The following HDAC4 variants were observed in gnomAD, a reference collection of about 807,000 sequenced individuals.
The protein encoded by HDAC4 is histone deacetylase A.
HDAC4 carries 16 observed loss-of-function variants against 135.1 expected under a neutral mutation model. That is an observed-to-expected ratio of 0.12 (90% CI 0.08 to 0.18). HDAC4 has a LOEUF of 0.18. HDAC4 is among the 10% of genes least tolerant of loss of function. The probability of loss-of-function intolerance (pLI) is 1.00; values close to 1 mark genes in which losing one functional copy is unlikely to be tolerated. For synonymous variants in HDAC4, 685 were observed against 653.4 expected (o/e 1.05, Z -0.74); for missense variants, 1,143 against 1,511.8 (o/e 0.76, Z 4.05).
intron 2 of HDAC4, among the ~76,000 whole-genome samples, chr2:239,290,968 A>G (rs1336668718): frequency 2.0e-5 from 3 of 152,242 alleles, no homozygotes; most frequent in Non-Finnish European, 4.4e-5. Context: ...TTATCCAATC[A>G]TGACTAATGG....
intron 2 of HDAC4, among the ~76,000 whole-genome samples, chr2:239,281,986 C>T (rs905658823): frequency 4.0e-5 from 6 of 149,654 alleles, no homozygotes; most frequent in Non-Finnish European, 5.9e-5. Context: ...CCACTCTACA[C>T]GCAGTGTACA....
Position 239,101,131 on chromosome 2 carries a change from C to T in HDAC4, c.2233+1645G>A, listed in dbSNP as rs553434611. Among the ~76,000 whole-genome samples the T allele has an allele frequency of 1.6e-4, 24 of 152,280 alleles. No individual in the cohort carries two copies. The South Asian group carries it at 3.5e-3, about 22-fold the overall frequency. ...CTCGTGAACCTGCTCAGCCACACCC[C>T]GGCCCACCTGCTTCCTACTGCTGTT... On this transcript the variant is annotated intron_variant, in intron 16 of 26. Transcript: ENST00000543185.
chr2:239,110,348 C>T (rs968436918), intron 14 of HDAC4, among the ~76,000 whole-genome samples: 1 of 152,212 alleles, frequency 6.6e-6, no homozygotes, highest in African/African-American at 2.4e-5. Flanking sequence ...GGACTCCCTG[C>T]AAGTCTCCTG....
At chr2:239,342,127 T>G (rs552155027) in intron 2 of HDAC4, among the ~76,000 whole-genome samples, 2 of 152,192 alleles carry the variant, frequency 1.3e-5, no homozygotes, top group African/African-American at 4.8e-5. Flanking sequence ...CTAAGGTATT[T>G]TATGATAGCA....
At chr2:239,380,045 G>A (rs1695304218) in intron 1 of HDAC4, among the ~76,000 whole-genome samples, 1 of 152,234 alleles carries the variant, frequency 6.6e-6, no homozygotes, top group Non-Finnish European at 1.5e-5. Context: ...TGGGCTGGGA[G>A]GGCGTGCACG....
intron 16 of HDAC4, among the ~76,000 whole-genome samples, chr2:239,102,202 A>G (rs1288555774): frequency 6.6e-6 from 1 of 151,996 alleles, no homozygotes; most frequent in East Asian, 1.9e-4. Flanking sequence ...GAACACTGGA[A>G]GCCCCATGGA....
At chr2:239,213,964 G>C (rs1157223996) in intron 3 of HDAC4, among the ~76,000 whole-genome samples, 1 of 152,256 alleles carries the variant, frequency 6.6e-6, no homozygotes, top group Non-Finnish European at 1.5e-5. Flanking sequence ...AATCTGCCTA[G>C]GTCACATGGT....
chr2:239,371,129 C>G (rs1399474928), intron 1 of HDAC4, among the ~76,000 whole-genome samples: 1 of 152,234 alleles, frequency 6.6e-6, no homozygotes. Flanking sequence ...CAGGCAGGAA[C>G]CCTGCGCCTC....
intron 2 of HDAC4, among the ~76,000 whole-genome samples, chr2:239,332,838 A>T (rs1052892546): frequency 1.3e-5 from 2 of 152,070 alleles, no homozygotes; most frequent in East Asian, 3.8e-4. Flanking sequence ...CCAATGAAGG[A>T]AAAATGAGAG....
In HDAC4 at chr2:239,189,845, G is replaced by T; in HGVS notation, c.327C>A (p.His109Gln). The T allele has an allele frequency of 6.2e-7, 1 of 1,607,346 alleles. No homozygotes were observed. The highest frequency in any genetic ancestry group is 1.3e-5 in the African/African-American group (1 of 74,984). The stretch of plus-strand genomic sequence containing the variant: ...CACCGCGCCTCACCTTGATGTGCTC[G>T]TGGAGCTGCGCCTCGTGCTGCCGGG... Reference protein sequence around the residue: ...QLSRQHEAQLHEHIKQQQEML... With the variant: ...QLSRQHEAQLQEHIKQQQEML... The change falls in exon 4 of 27, where the codon CAC (histidine) becomes CAA (glutamine). Residue 109 changes from histidine (H) to glutamine (Q), a missense_variant. Transcript: ENST00000543185.
At chr2:239,353,441 C>G (rs552816256) in intron 1 of HDAC4, among the ~76,000 whole-genome samples, 35 of 152,296 alleles carry the variant, frequency 2.3e-4, no homozygotes, top group Non-Finnish European at 4.9e-4. Flanking sequence ...CTCCAGAGAG[C>G]AGGGTTTCTC....
rs1465536532 is a variant in HDAC4 at position 239,190,081 on chromosome 2, T to C, written c.95-4A>G. 1.3e-6 allele frequency: 2 copies of C among 1,593,008 alleles called. No individual in the cohort carries two copies. Among genetic ancestry groups the C allele is most frequent in the Non-Finnish European group, 1.7e-6 (2 of 1,177,362 alleles). ...GGCAGCGCCGTGGCCACATCCACTG[T>C]GGGAAAAACAAGCAGGAGAGCCGGT... On this transcript the variant is annotated splice_polypyrimidine_tract_variant and splice_region_variant and intron_variant, in intron 3 of 26. Coordinates refer to ENST00000543185, the MANE Select transcript of HDAC4 (RefSeq NM_001378414.1).
At chr2:239,296,175 G>T (rs969006168) in intron 2 of HDAC4, among the ~76,000 whole-genome samples, 4 of 152,216 alleles carry the variant, frequency 2.6e-5, no homozygotes, top group African/African-American at 9.6e-5. Flanking sequence ...TGAGCACTCT[G>T]CTTGTTCAAT....
intron 1 of HDAC4, among the ~76,000 whole-genome samples, chr2:239,375,246 G>C (rs1352113042): frequency 6.6e-6 from 1 of 152,182 alleles, no homozygotes; most frequent in Non-Finnish European, 1.5e-5. Context: ...GAGGAGCAGA[G>C]GGTGCCCCGG....
intron 17 of HDAC4, chr2:239,094,056 C>G (rs2036762205): frequency 1.0e-6 from 1 of 985,324 alleles, no homozygotes; most frequent in Admixed American, 6.1e-5. Flanking sequence ...AGACCTTGAG[C>G]TTCACCCTGC....
chr2:239,102,967 T>G (rs2037797138), intron 15 of HDAC4, 71 bp from the exon 16 acceptor site: 2 of 1,593,848 alleles, frequency 1.3e-6, no homozygotes, highest in African/African-American at 2.7e-5. Flanking sequence ...AGACAGAAAC[T>G]CCAACTGAAA....
At chr2:239,153,102 C>T (rs2042214390) in intron 7 of HDAC4, among the ~76,000 whole-genome samples, 1 of 152,172 alleles carries the variant, frequency 6.6e-6, no homozygotes, top group Admixed American at 6.5e-5. Flanking sequence ...CCAGAATATG[C>T]CCAAGCTCCG....
chr2:239,182,577 C>A (rs184516876), intron 4 of HDAC4, among the ~76,000 whole-genome samples: 10 of 152,186 alleles, frequency 6.6e-5, no homozygotes, highest in African/African-American at 2.4e-4. Flanking sequence ...TACCTGCCCC[C>A]GGCAACGCTG....
Position 239,069,356 on chromosome 2 carries a change from G to T in HDAC4, c.2751-749C>A, listed in dbSNP as rs1173529667. 1.2e-3 allele frequency among the ~76,000 whole-genome samples: 101 copies of T among 86,158 alleles called. 2 individuals carry two copies. The highest frequency in any genetic ancestry group is 2.5e-3 in the East Asian group (6 of 2,388). 56.5% of individuals were successfully genotyped at this position (86,158 alleles called of 152,430 possible). On this transcript the variant is annotated intron_variant, in intron 22 of 26. Transcript: ENST00000543185. Reference sequence around the variant, plus strand: ...CCCCACTGCACTTGCTGGGTGAGAGGGAGTCACGGTGCAAGCCAGCAAGCC... The same window carrying T: ...CCCCACTGCACTTGCTGGGTGAGAGTGAGTCACGGTGCAAGCCAGCAAGCC...
Sources: gnomAD v4.1 joint callset for allele counts (sites outside exome capture counted in the v4.1 genomes callset) on GRCh38, gnomAD v4.1.1 for gene constraint, MANE v1.5 for transcripts, NCBI Gene and HGNC (gene_info 2026-07-23, HGNC 2026-07-21) for gene names.